TRUB1: variants seen among roughly 807,000 people sequenced by gnomAD.
TRUB1 encodes the protein TruB pseudouridine synthase family member 1.
TRUB1 carries 23 observed loss-of-function variants against 33.9 expected under a neutral mutation model. That is an observed-to-expected ratio of 0.68 (90% CI 0.49 to 0.96). The LOEUF is 0.96. TRUB1 is among the 40% of genes least tolerant of loss of function. The pLI is 0.00. For missense variants in TRUB1, 378 were observed against 422.2 expected (o/e 0.90, Z 0.92); for synonymous variants, 163 against 165.4 (o/e 0.99, Z 0.11).
intron 3 of TRUB1, among the ~76,000 whole-genome samples, chr10:114,952,538 T>A (rs1048819486): frequency 6.6e-6 from 1 of 152,202 alleles, no homozygotes; most frequent in Non-Finnish European, 1.5e-5. Context: ...CATAGATTGA[T>A]TGATTGATTG....
chr10:114,968,041 A>G (rs1266482620), intron 4 of TRUB1, among the ~76,000 whole-genome samples: 1 of 152,128 alleles, frequency 6.6e-6, no homozygotes, highest in Non-Finnish European at 1.5e-5. Context: ...ATTGTCTTTG[A>G]GAAGCTTAGA....
Position 114,942,709 on chromosome 10 carries a change from A to G in TRUB1, c.351A>G (p.Gly117=), listed in dbSNP as rs139727062. The change falls in exon 2 of 8, where the codon GGA becomes GGG. Residue 117 remains glycine (G), a synonymous_variant. Transcript: ENST00000298746. ...RKKQTLKIGH[G]GTLDSAARGV... is the part of the protein sequence containing the mutation. ...AGCAGACTTTGAAAATTGGGCATGG[A>G]GGGACTCTAGACAGCGCAGCCCGAG... The G allele has an allele frequency of 1.5e-5, 25 of 1,613,890 alleles. No homozygotes were observed. In the African/African-American group the frequency reaches 3.3e-4, roughly 22 times the overall value.
intron 2 of TRUB1, among the ~76,000 whole-genome samples, chr10:114,944,660 C>T (rs1284604795): frequency 6.6e-6 from 1 of 151,456 alleles, no homozygotes; most frequent in Admixed American, 6.6e-5. Flanking sequence ...ACTCTTGTCT[C>T]AGTAAATAAA....
At position 114,974,398 on chromosome 10, in the gene TRUB1, ATGAAT is replaced by A. The variant is rs2084350800; in HGVS notation, c.793+15_793+19del. ...GACATTGGAAAAGGTAAGCATAAAA[ATGAAT>A]TATGAATTATCATTTAGAGAATAAT... is the stretch of plus-strand genomic sequence containing the variant. On this transcript the variant is annotated intron_variant, in intron 7 of 7. Coordinates refer to ENST00000298746, the MANE Select transcript of TRUB1 (RefSeq NM_139169.5). The A allele has an allele frequency of 6.3e-7, 1 of 1,595,376 alleles. No individual in the cohort carries two copies. Among genetic ancestry groups the A allele is most frequent in the Admixed American group, 1.7e-5 (1 of 59,532 alleles).
intron 3 of TRUB1, among the ~76,000 whole-genome samples, chr10:114,952,165 G>A (rs1208308059): frequency 1.3e-5 from 2 of 152,184 alleles, no homozygotes; most frequent in Non-Finnish European, 2.9e-5. Flanking sequence ...CTGACCGAGC[G>A]TGGTGTCTCA....
chr10:114,939,260 C>T (rs1171092299), intron 1 of TRUB1, among the ~76,000 whole-genome samples: 3 of 152,290 alleles, frequency 2.0e-5, no homozygotes, highest in African/African-American at 4.8e-5. Flanking sequence ...TTAATCAGCT[C>T]GGATGATTTC....
intron 6 of TRUB1, among the ~76,000 whole-genome samples, chr10:114,973,483 A>G (rs2084345983): frequency 6.6e-6 from 1 of 152,176 alleles, no homozygotes; most frequent in African/African-American, 2.4e-5. Context: ...CTGACTAAAG[A>G]AAGCAGGGGG....
At chr10:114,972,950 G>T (rs181581208) in intron 6 of TRUB1, among the ~76,000 whole-genome samples, 6 of 152,288 alleles carry the variant, frequency 3.9e-5, no homozygotes, top group Admixed American at 3.9e-4. Flanking sequence ...TGTAAGATCT[G>T]TGAAGAATCC....
In TRUB1 at chr10:114,972,237, C is replaced by T; in HGVS notation, c.699C>T (p.Ile233=). 6.2e-7 allele frequency: 1 copy of T among 1,609,594 alleles called. No individual in the cohort carries two copies. ...CCAGGCCAGTGACTGTATACAGTAT[C>T]TCCCTTCAAAAATTCCAGCCACCAT... ...KPARPVTVYS[I]SLQKFQPPFF... is the part of the protein sequence containing the mutation. Residue 233 remains isoleucine, a synonymous_variant, in exon 6 of 8, where the codon ATC becomes ATT. Coordinates refer to ENST00000298746, the MANE Select transcript of TRUB1 (RefSeq NM_139169.5).
At chr10:114,974,844 C>T (rs2084353006) in intron 7 of TRUB1, among the ~76,000 whole-genome samples, 1 of 152,042 alleles carries the variant, frequency 6.6e-6, no homozygotes, top group Non-Finnish European at 1.5e-5. Context: ...TAAAGTGCGG[C>T]TAATCTTTAC....
Position 114,943,690 on chromosome 10 carries a change from G to A in TRUB1, c.385+947G>A, listed in dbSNP as rs542472253. 1.1e-4 allele frequency among the ~76,000 whole-genome samples: 16 copies of A among 152,310 alleles called. No individual in the cohort carries two copies. The South Asian group carries it at 3.3e-3, about 32-fold the overall frequency. On this transcript the variant is annotated intron_variant, in intron 2 of 7. Coordinates refer to ENST00000298746, the MANE Select transcript of TRUB1 (RefSeq NM_139169.5). ...AGGGAGAGAGGATAAGGAAGCTTGTGCCCAGATTTCTCTGTGTCTTTTTCT... is the reference window on the plus strand; with the variant it reads ...AGGGAGAGAGGATAAGGAAGCTTGTACCCAGATTTCTCTGTGTCTTTTTCT...
chr10:114,950,543 A>G (rs935856170), intron 2 of TRUB1, among the ~76,000 whole-genome samples: 2 of 152,190 alleles, frequency 1.3e-5, no homozygotes, highest in African/African-American at 4.8e-5. Context: ...CCATTGTTGT[A>G]CTTTGGGCTC....
chr10:114,944,551 C>G (rs754689554), intron 2 of TRUB1, among the ~76,000 whole-genome samples: 1 of 151,964 alleles, frequency 6.6e-6, no homozygotes. Flanking sequence ...GCCAGCTACT[C>G]GGGAGGCTGA....
chr10:114,975,417 T>A lies in TRUB1; in HGVS notation c.*38T>A. The A allele has an allele frequency of 1.3e-6, 2 of 1,506,724 alleles. No individual in the cohort carries two copies. The highest frequency in any genetic ancestry group is 2.1e-4 in the Middle Eastern group (1 of 4,794). 93.3% of individuals were successfully genotyped at this position (1,506,724 alleles called of 1,614,324 possible). A position where few individuals can be genotyped will look rare whatever the true frequency, so the allele number is the denominator to read the frequency against. On this transcript the variant is annotated 3_prime_UTR_variant, in exon 8 of 8. Coordinates refer to ENST00000298746, the MANE Select transcript of TRUB1 (RefSeq NM_139169.5). ...AATATCATCATTTTCTAGTTGACATTTGAATCCTGTGTGCAGATGCAGAAT... is the reference window on the plus strand; with the variant it reads ...AATATCATCATTTTCTAGTTGACATATGAATCCTGTGTGCAGATGCAGAAT...
chr10:114,970,094 A>AAT (rs937666392), intron 4 of TRUB1, among the ~76,000 whole-genome samples: 7 of 152,082 alleles, frequency 4.6e-5, no homozygotes, highest in Admixed American at 2.0e-4. Context: ...GAACCAACTG[A>AAT]ATATATATAT....
At chr10:114,942,391 C>T (rs950778886) in intron 1 of TRUB1, among the ~76,000 whole-genome samples, 3 of 152,048 alleles carry the variant, frequency 2.0e-5, no homozygotes, top group Admixed American at 1.3e-4. Flanking sequence ...TTAAAAATGC[C>T]GTTTTTCTCT....
Position 114,975,401 on chromosome 10 carries a change from A to G in TRUB1, c.*22A>G, listed in dbSNP as rs2084356058. Reference sequence around the variant, plus strand: ...TTGAGATTGGCCTGGGAATATCATCATTTTCTAGTTGACATTTGAATCCTG... The same window carrying G: ...TTGAGATTGGCCTGGGAATATCATCGTTTTCTAGTTGACATTTGAATCCTG... On this transcript the variant is annotated 3_prime_UTR_variant, in exon 8 of 8. Coordinates refer to ENST00000298746, the MANE Select transcript of TRUB1 (RefSeq NM_139169.5). 2 of 1,511,962 alleles carry G rather than the reference A, an allele frequency of 1.3e-6. No individual in the cohort carries two copies. The highest frequency in any genetic ancestry group is 1.8e-6 in the Non-Finnish European group (2 of 1,129,100). 93.7% of individuals were successfully genotyped at this position (1,511,962 alleles called of 1,614,324 possible).
At chr10:114,954,510 C>A (rs1369658321) in intron 3 of TRUB1, among the ~76,000 whole-genome samples, 1 of 152,164 alleles carries the variant, frequency 6.6e-6, no homozygotes, top group African/African-American at 2.4e-5. Context: ...TCAGACCACC[C>A]AAATCATTTC....
intron 4 of TRUB1, among the ~76,000 whole-genome samples, chr10:114,964,516 C>G (rs1246021064): frequency 6.6e-6 from 1 of 152,160 alleles, no homozygotes; most frequent in Non-Finnish European, 1.5e-5. Context: ...TTGAAAAACA[C>G]AAGTTCTTAG....
Sources: gnomAD v4.1 joint callset for allele counts (sites outside exome capture counted in the v4.1 genomes callset) on GRCh38, gnomAD v4.1.1 for gene constraint, MANE v1.5 for transcripts, NCBI Gene and HGNC (gene_info 2026-07-23, HGNC 2026-07-21) for gene names.